The following ATP13A4 variants were observed in gnomAD, a reference collection of about 807,000 sequenced individuals.
ATP13A4 encodes the protein probable cation-transporting ATPase 13A4.
ATP13A4 carries 114 observed loss-of-function variants against 142.5 expected under a neutral mutation model. The ratio of observed to expected loss-of-function variants is 0.80; its 90% CI spans 0.69 to 0.93. The LOEUF is 0.93. ATP13A4 is among the 40% of genes least tolerant of loss of function. ATP13A4 has a pLI of 0.00. For synonymous variants in ATP13A4, 488 were observed against 514.8 expected, an observed-to-expected ratio of 0.95 and a Z score of 0.70; for missense variants, 1,392 against 1,454.0, an observed-to-expected ratio of 0.96 and a Z score of 0.69.
At chr3:193,540,971 C>G (rs188409947) in intron 1 of ATP13A4, among the ~76,000 whole-genome samples, 20 of 152,178 alleles carry the variant, frequency 1.3e-4, no homozygotes, top group African/African-American at 4.8e-4. Flanking sequence ...ACAATAGGGC[C>G]GGGCGCGGTG....
At chr3:193,455,272 C>T (rs1372808289) in intron 16 of ATP13A4, among the ~76,000 whole-genome samples, 4 of 140,456 alleles carry the variant, frequency 2.8e-5, no homozygotes, top group Non-Finnish European at 6.0e-5. Flanking sequence ...ACCCGGGAGG[C>T]GGAGCTTGCA....
chr3:193,488,542 A>G (rs1024428881), intron 7 of ATP13A4, among the ~76,000 whole-genome samples: 3 of 152,184 alleles, frequency 2.0e-5, no homozygotes, highest in African/African-American at 7.2e-5. Context: ...AGCTAATTTT[A>G]AAAGAACTTT....
chr3:193,415,740 C>T (rs186327724), intron 25 of ATP13A4, among the ~76,000 whole-genome samples: 26 of 151,488 alleles, frequency 1.7e-4, no homozygotes, highest in Non-Finnish European at 4.4e-5. Context: ...CTAACAAATG[C>T]AGTTGCCTAG....
intron 25 of ATP13A4, among the ~76,000 whole-genome samples, chr3:193,429,258 A>G (rs1162100652): frequency 6.6e-6 from 1 of 152,070 alleles, no homozygotes; most frequent in Non-Finnish European, 1.5e-5. Context: ...GGTTCCTTGA[A>G]AAGTTAAATA....
chr3:193,587,950 C>G (rs1341754348), intron 1 of ATP13A4, among the ~76,000 whole-genome samples: 1 of 150,932 alleles, frequency 6.6e-6, no homozygotes, highest in African/African-American at 2.4e-5. Context: ...CATAGGAGAC[C>G]CAGTGTCTGA....
intron 24 of ATP13A4, 105 bp downstream of exon 24, chr3:193,435,543 C>G (rs1438183204): frequency 5.4e-6 from 5 of 922,418 alleles, no homozygotes; most frequent in Non-Finnish European, 9.0e-6. Context: ...TGTTGTTGTT[C>G]AGATATCCTA....
intron 5 of ATP13A4, among the ~76,000 whole-genome samples, chr3:193,492,684 G>T (rs1209620979): frequency 6.6e-6 from 1 of 152,074 alleles, no homozygotes; most frequent in Non-Finnish European, 1.5e-5. Flanking sequence ...CTGAGCCTCA[G>T]ATTTCTCATT....
intron 1 of ATP13A4, among the ~76,000 whole-genome samples, chr3:193,553,990 A>G (rs1041235031): frequency 6.6e-6 from 1 of 152,250 alleles, no homozygotes; most frequent in African/African-American, 2.4e-5. Context: ...CAATTAGCAG[A>G]AAGATCTTAT....
chr3:193,476,812 C>A (rs1032239012), intron 8 of ATP13A4, among the ~76,000 whole-genome samples: 7 of 151,982 alleles, frequency 4.6e-5, no homozygotes, highest in Non-Finnish European at 1.0e-4. Context: ...AGTTGGTGAA[C>A]ATCTGACACC....
At chr3:193,410,956 C>T (rs760215403) in intron 28 of ATP13A4, 26 bp downstream of exon 28, 1 of 1,392,570 alleles carries the variant, frequency 7.2e-7, no homozygotes, top group East Asian at 2.3e-5. Context: ...TGTAAAGCAT[C>T]ATCATATCCC....
chr3:193,408,530 T>C (rs1240082422), intron 28 of ATP13A4, among the ~76,000 whole-genome samples: 1 of 152,214 alleles, frequency 6.6e-6, no homozygotes, highest in Non-Finnish European at 1.5e-5. Context: ...GTAGCAGCCA[T>C]GAAAATTTTC....
At chr3:193,439,788 T>TA (rs2108621675) in intron 21 of ATP13A4, among the ~76,000 whole-genome samples, 1 of 152,304 alleles carries the variant, frequency 6.6e-6, no homozygotes, top group African/African-American at 2.4e-5. Context: ...CACACTGCCA[T>TA]ATGGAGGGAA....
At chr3:193,560,526 A>T (rs9812134) in intron 2 of ATP13A4, among the ~76,000 whole-genome samples, 19,965 of 152,208 alleles carry the variant, frequency 0.13, 1,429 homozygotes, top group Non-Finnish European at 0.16. Flanking sequence ...CTTTTTGTAA[A>T]GGGATTAGAA....
intron 1 of ATP13A4, among the ~76,000 whole-genome samples, chr3:193,586,216 A>G (rs984548945): frequency 6.6e-6 from 1 of 152,138 alleles, no homozygotes; most frequent in African/African-American, 2.4e-5. Flanking sequence ...AGAATTTCCT[A>G]TATATCCTGA....
chr3:193,470,928 T>C lies in ATP13A4; in HGVS notation c.874A>G (p.Lys292Glu), dbSNP rs766863828. ...ACGGCATCACATGGCATTAGCACTT[T>C]GTTCCCTGTCAAAATTAATAAATCT... ...PGDLLILTGN[K>E]VLMPCDAVLI... Residue 292 changes from lysine to glutamate, a missense_variant, in exon 9 of 30, where the codon AAA becomes GAA. By Grantham distance (56) the Lys-to-Glu change is moderately conservative. Transcript: ENST00000342695. The C allele has an allele frequency of 5.0e-6, 8 of 1,614,200 alleles. No individual in the cohort carries two copies. The highest frequency in any genetic ancestry group is 6.8e-6 in the Non-Finnish European group (8 of 1,180,038).
At position 193,464,936 on chromosome 3, in the gene ATP13A4, A is replaced by G. The variant is rs1417322067; in HGVS notation, c.1461+4T>C. 1.2e-6 allele frequency: 2 copies of G among 1,613,244 alleles called. No homozygotes were observed. The highest frequency in any genetic ancestry group is 2.7e-5 in the African/African-American group (2 of 75,012). On this transcript the variant is annotated splice_donor_region_variant and intron_variant, in intron 12 of 29. Coordinates refer to ENST00000342695, the MANE Select transcript of ATP13A4 (RefSeq NM_032279.4). ...TGATAAGAATAAGGATGAAACACAC[A>G]TACCTTGTCAAAGCAGACAAGGTTT... is the stretch of plus-strand genomic sequence containing the variant.
At chr3:193,442,590 T>G in intron 18 of ATP13A4, 34 bp from the exon 19 acceptor site, 1 of 1,593,240 alleles carries the variant, frequency 6.3e-7, no homozygotes, top group South Asian at 1.1e-5. Context: ...AAGATGAGGT[T>G]GACAAGATTG....
At chr3:193,559,590 C>T (rs1345484885), upstream of ATP13A4, among the ~76,000 whole-genome samples, 1 of 152,188 alleles carries the variant, frequency 6.6e-6, no homozygotes, top group Non-Finnish European at 1.5e-5. Context: ...GTTTGTAAAA[C>T]ATTTAGCAAC....
At chr3:193,460,883 C>T (rs950312015) in intron 13 of ATP13A4, among the ~76,000 whole-genome samples, 2 of 152,138 alleles carry the variant, frequency 1.3e-5, no homozygotes, top group Admixed American at 6.5e-5. Context: ...GTATCTGACA[C>T]AACAATCAGG....
Sources: gnomAD v4.1 joint callset for allele counts (sites outside exome capture counted in the v4.1 genomes callset) on GRCh38, gnomAD v4.1.1 for gene constraint, MANE v1.5 for transcripts, NCBI Gene and HGNC (gene_info 2026-07-23, HGNC 2026-07-21) for gene names.